The following DPP10 variants were observed in gnomAD, a reference collection of about 807,000 sequenced individuals.
DPP10 encodes dipeptidyl peptidase like 10, also known as inactive dipeptidyl peptidase 10.
Under a neutral mutation model 120.9 loss-of-function variants are expected in DPP10, and 33 were observed. The ratio of observed to expected loss-of-function variants is 0.27; its 90% CI spans 0.21 to 0.37. The LOEUF (loss-of-function observed/expected upper bound fraction) is 0.37. Among genes scored for constraint, DPP10 ranks in the 10% least tolerant of loss-of-function variants. The probability of loss-of-function intolerance (pLI) is 1.00; values close to 1 mark genes in which losing one functional copy is unlikely to be tolerated. For missense variants in DPP10, 816 were observed against 942.8 expected (o/e 0.87, Z 1.76); for synonymous variants, 337 against 326.1 (o/e 1.03, Z -0.36).
chr2:114,952,675 A>G (rs1167651551), intron 1 of DPP10, among the ~76,000 whole-genome samples: 1 of 152,236 alleles, frequency 6.6e-6, no homozygotes, highest in Non-Finnish European at 1.5e-5. Context: ...GTCTGTGTAT[A>G]GACATTAGTG....
intron 1 of DPP10, among the ~76,000 whole-genome samples, chr2:115,182,396 T>C (rs1272509438): frequency 6.6e-6 from 1 of 152,206 alleles, no homozygotes; most frequent in Non-Finnish European, 1.5e-5. Flanking sequence ...AAGAAGTAAT[T>C]GATCTGGGAT....
intron 1 of DPP10, among the ~76,000 whole-genome samples, chr2:114,467,786 G>T (rs1479929302): frequency 1.3e-5 from 2 of 152,078 alleles, no homozygotes; most frequent in African/African-American, 4.8e-5. Context: ...GATAGCTTGA[G>T]CCCAGAATTT....
chr2:115,768,304 A>C lies in DPP10; in HGVS notation c.1121A>C (p.Glu374Ala), dbSNP rs773155114. 8.1e-6 allele frequency: 13 copies of C among 1,613,484 alleles called. No homozygotes were observed. Among genetic ancestry groups the C allele is most frequent in the Non-Finnish European group, 1.1e-5 (13 of 1,179,608 alleles). ...SDTWLSQQNE[E>A]PVFSRDGSKF... is the part of the protein sequence containing the mutation. ...TGCTCTTCTGTATTTTAGAATGAGG[A>C]GCCCGTGTTTTCTAGAGACGGCAGC... The change falls in exon 13 of 26, where the codon GAG becomes GCG. Residue 374 changes from glutamate (E) to alanine (A), a missense_variant. Around this residue, in one of 3 missense-constraint regions of DPP10, gnomAD observed 592 missense variants for 649.0 expected, o/e 0.91. Transcript: ENST00000410059.
At chr2:115,542,190 G>C (rs1358119047) in intron 5 of DPP10, among the ~76,000 whole-genome samples, 1 of 151,804 alleles carries the variant, frequency 6.6e-6, no homozygotes, top group Non-Finnish European at 1.5e-5. Context: ...ATACAGAACT[G>C]CTCTGTCACC....
intron 1 of DPP10, among the ~76,000 whole-genome samples, chr2:114,791,015 T>A (rs905842981): frequency 1.3e-5 from 2 of 152,120 alleles, no homozygotes; most frequent in Non-Finnish European, 2.9e-5. Context: ...GGGGAGAAAG[T>A]ATATATTTAA....
At chr2:115,508,248 A>G (rs538064893) in intron 4 of DPP10, among the ~76,000 whole-genome samples, 3 of 152,234 alleles carry the variant, frequency 2.0e-5, no homozygotes, top group East Asian at 3.9e-4. Context: ...AAAATATATT[A>G]TATTGCCTAT....
At chr2:114,695,970 G>T (rs1700044903) in intron 1 of DPP10, among the ~76,000 whole-genome samples, 1 of 151,932 alleles carries the variant, frequency 6.6e-6, no homozygotes, top group African/African-American at 2.4e-5. Flanking sequence ...CTTATAGTAT[G>T]GTATTTAGTA....
At chr2:115,639,718 A>C (rs2086627070) in intron 5 of DPP10, among the ~76,000 whole-genome samples, 1 of 152,138 alleles carries the variant, frequency 6.6e-6, no homozygotes, top group South Asian at 2.1e-4. Flanking sequence ...AGATTTCTGA[A>C]ACCTCCTTGC....
intron 1 of DPP10, among the ~76,000 whole-genome samples, chr2:114,455,728 TG>T (rs1373594433): frequency 0.035 from 2,225 of 63,944 alleles, 55 homozygotes; most frequent in African/African-American, 0.11. Flanking sequence ...CAAATTCATT[TG>T]TTTTTTTTTT....
At chr2:115,442,097 C>A (rs1054229125) in intron 3 of DPP10, among the ~76,000 whole-genome samples, 4 of 152,064 alleles carry the variant, frequency 2.6e-5, no homozygotes, top group African/African-American at 9.7e-5. Flanking sequence ...CAGACATGAG[C>A]CACTGCATCC....
chr2:115,339,455 C>A (rs1291393734), intron 2 of DPP10, among the ~76,000 whole-genome samples: 1 of 151,976 alleles, frequency 6.6e-6, no homozygotes, highest in Non-Finnish European at 1.5e-5. Flanking sequence ...CATATTTGGG[C>A]ATTTATCTTG....
At chr2:115,314,985 A>G (rs1022243024) in intron 2 of DPP10, among the ~76,000 whole-genome samples, 2 of 152,152 alleles carry the variant, frequency 1.3e-5, no homozygotes, top group African/African-American at 4.8e-5. Context: ...GTTTAAAGGA[A>G]GTAGAGCAGT....
At chr2:115,449,487 T>C (rs1454878892) in intron 3 of DPP10, among the ~76,000 whole-genome samples, 1 of 152,104 alleles carries the variant, frequency 6.6e-6, no homozygotes, top group African/African-American at 2.4e-5. Flanking sequence ...TAAGGATCAA[T>C]ATAATGTGGT....
rs775644455 is a variant in DPP10 at position 115,314,238 on chromosome 2, C to T, written c.175+4885C>T. The stretch of plus-strand genomic sequence containing the variant: ...TCTGCCATACTGAAATAGCCACCTG[C>T]GAACTGTGTATACTCCACAGTTCTT... On this transcript the variant is annotated intron_variant, in intron 2 of 25. Coordinates refer to ENST00000410059, the MANE Select transcript of DPP10 (RefSeq NM_020868.6). Among the ~76,000 whole-genome samples, 8 of 152,246 alleles carry T rather than the reference C, an allele frequency of 5.3e-5. No homozygotes were observed. The South Asian group carries it at 6.2e-4, about 12-fold the overall frequency.
chr2:114,766,355 A>G (rs1680702524), intron 1 of DPP10, among the ~76,000 whole-genome samples: 1 of 152,310 alleles, frequency 6.6e-6, no homozygotes, highest in South Asian at 2.1e-4. Flanking sequence ...ATTTAAAATG[A>G]TACAGCTACT....
intron 14 of DPP10, 96 bp from the exon 15 acceptor site, chr2:115,777,691 G>A: frequency 7.8e-7 from 1 of 1,278,284 alleles, no homozygotes; most frequent in Non-Finnish European, 1.1e-6. Flanking sequence ...AAGATTCAAT[G>A]TGAATTCAGG....
At position 115,753,221 on chromosome 2, in the gene DPP10, T is replaced by C; in HGVS notation, c.998T>C (p.Val333Ala). The change falls in exon 11 of 26, where the codon GTG becomes GCG. Residue 333 changes from valine to alanine, a missense_variant. Transcript: ENST00000410059. ...AAATGGGTAAGCAATACCAAGACTG[T>C]GGTAAGATGGTTAAACCGAGCTCAG... ...MVKWVSNTKT[V>A]VRWLNRAQNI... 1 of 1,612,126 alleles carries C rather than the reference T, an allele frequency of 6.2e-7. No individual in the cohort carries two copies. The highest frequency in any genetic ancestry group is 8.5e-7 in the Non-Finnish European group (1 of 1,178,696).
chr2:115,334,623 G>A (rs1392796630), intron 2 of DPP10, among the ~76,000 whole-genome samples: 1 of 151,836 alleles, frequency 6.6e-6, no homozygotes, highest in Non-Finnish European at 1.5e-5. Context: ...TTCATATTGT[G>A]TTTCTAAAAG....
At chr2:114,841,870 C>A (rs1688186332) in intron 1 of DPP10, among the ~76,000 whole-genome samples, 1 of 152,060 alleles carries the variant, frequency 6.6e-6, no homozygotes, top group African/African-American at 2.4e-5. Flanking sequence ...AGACACCCGG[C>A]ACTCATGCTG....
Sources: gnomAD v4.1 joint callset for allele counts (sites outside exome capture counted in the v4.1 genomes callset) on GRCh38, gnomAD v4.1.1 for gene constraint, gnomAD v4.1.1 regional missense constraint, MANE v1.5 for transcripts, NCBI Gene and HGNC (gene_info 2026-07-23, HGNC 2026-07-21) for gene names.